GALNT13: variants seen among roughly 807,000 people sequenced by gnomAD.
GALNT13 encodes polypeptide N-acetylgalactosaminyltransferase 13.
A neutral mutation model predicts 64.2 loss-of-function variants in GALNT13; 28 were observed. The observed-to-expected ratio is 0.44, with a 90% CI of 0.32 to 0.60. The LOEUF (loss-of-function observed/expected upper bound fraction) is 0.60, where lower values mean the gene tolerates loss of function less well. Ranked by LOEUF, GALNT13 falls within the 20% of genes least tolerant of loss-of-function variation. The probability of loss-of-function intolerance (pLI) is 0.05; values close to 1 mark genes in which losing one functional copy is unlikely to be tolerated. For synonymous variants in GALNT13, 214 were observed against 224.6 expected (o/e 0.95, Z 0.42); for missense variants, 577 against 669.8 (o/e 0.86, Z 1.53).
intron 8 of GALNT13, among the ~76,000 whole-genome samples, chr2:154,267,445 G>T (rs571506692): frequency 3.9e-5 from 6 of 152,210 alleles, no homozygotes; most frequent in Admixed American, 3.3e-4. Flanking sequence ...TTTGAGAGTA[G>T]CCTGGCCAAC....
In GALNT13 at chr2:154,438,628, G is replaced by T; in HGVS notation, c.1432G>T (p.Asp478Tyr). 1 of 1,612,146 alleles carries T rather than the reference G, an allele frequency of 6.2e-7. No individual in the cohort carries two copies. The highest frequency in any genetic ancestry group is 8.5e-7 in the Non-Finnish European group (1 of 1,178,540). Residue 478 changes from aspartate to tyrosine, a missense_variant, in exon 12 of 13, where the codon GAT (aspartate) becomes TAT (tyrosine). Coordinates refer to ENST00000392825, the MANE Select transcript of GALNT13 (RefSeq NM_052917.4). ...SYTADKEIRT[D>Y]DLCLDVSRLN... ...CACTGCTGACAAAGAAATCCGAACC[G>T]ATGACTTGTGCTTGGATGTTTCTAG...
chr2:153,184,889 A>C, the GALNT13 span, among the ~76,000 whole-genome samples: 1 of 152,182 alleles, frequency 6.6e-6, no homozygotes. Context: ...GGATTTTTGC[A>C]TTGATGTTCA....
the GALNT13 span, among the ~76,000 whole-genome samples, chr2:153,580,944 A>AT: frequency 6.6e-6 from 1 of 152,182 alleles, no homozygotes; most frequent in South Asian, 2.1e-4. Context: ...ATTCCTATTC[A>AT]TTTTTCAAGA....
At chr2:154,287,574 G>T in intron 8 of GALNT13, 2 of 234,544 alleles carry the variant, frequency 8.5e-6, no homozygotes, top group East Asian at 1.0e-4. Flanking sequence ...TGTTCTACTT[G>T]GCTGTTGAAA....
chr2:154,004,345 A>G (rs192677383), intron 3 of GALNT13, among the ~76,000 whole-genome samples: 62 of 152,166 alleles, frequency 4.1e-4, no homozygotes, highest in Non-Finnish European at 2.1e-4. Context: ...AGCTGGGACT[A>G]CAGGCATGCA....
chr2:153,072,194 A>G, the GALNT13 span, among the ~76,000 whole-genome samples: 4 of 152,236 alleles, frequency 2.6e-5, no homozygotes, highest in African/African-American at 7.2e-5. Context: ...CCTCATTTTT[A>G]TCACTGCTAA....
At chr2:154,041,005 C>G (rs1057323951) in intron 3 of GALNT13, among the ~76,000 whole-genome samples, 2 of 139,278 alleles carry the variant, frequency 1.4e-5, no homozygotes, top group African/African-American at 4.9e-5. Context: ...AACACATATA[C>G]AAAGTTTAGT....
At chr2:154,057,292 G>C (rs1329345703) in intron 3 of GALNT13, among the ~76,000 whole-genome samples, 1 of 152,106 alleles carries the variant, frequency 6.6e-6, no homozygotes, top group African/African-American at 2.4e-5. Context: ...GCCCCCCAAA[G>C]TGGTGGGCTT....
At chr2:153,300,249 C>T in the GALNT13 span, among the ~76,000 whole-genome samples, 1 of 152,224 alleles carries the variant, frequency 6.6e-6, no homozygotes, top group Non-Finnish European at 1.5e-5. Context: ...CCACTTTCTT[C>T]TCTCTAGAAT....
At chr2:154,200,313 G>A (rs1325928637) in intron 4 of GALNT13, among the ~76,000 whole-genome samples, 1 of 151,800 alleles carries the variant, frequency 6.6e-6, no homozygotes, top group African/African-American at 2.4e-5. Flanking sequence ...CTATGGAGAT[G>A]GGGTGGTGAT....
At chr2:153,952,665 T>C (rs1692278767) in intron 3 of GALNT13, among the ~76,000 whole-genome samples, 1 of 152,108 alleles carries the variant, frequency 6.6e-6, no homozygotes, top group Admixed American at 6.6e-5. Context: ...TAGATGTATA[T>C]ATAAAGGGGA....
rs59526662 is a variant in GALNT13 at position 154,139,621 on chromosome 2, AACAC to A, written c.143-687_143-684del. Among the ~76,000 whole-genome samples the A allele has an allele frequency of 4.6e-3, 679 of 147,506 alleles. 4 individuals are homozygous for A. Among genetic ancestry groups the A allele is most frequent in the African/African-American group, 0.015 (584 of 40,140 alleles). ...AGCATGCATACAGGTATGTGTAGGC[AACAC>A]ACACACACACACACACACACACACA... On this transcript the variant is annotated intron_variant, in intron 3 of 12. Transcript: ENST00000392825.
chr2:154,271,278 A>G (rs748723950), intron 8 of GALNT13, among the ~76,000 whole-genome samples: 1 of 152,020 alleles, frequency 6.6e-6, no homozygotes, highest in Non-Finnish European at 1.5e-5. Context: ...TGTGCAACGC[A>G]TAGAATAATT....
chr2:154,027,304 T>C (rs1209519101), intron 3 of GALNT13, among the ~76,000 whole-genome samples: 1 of 152,166 alleles, frequency 6.6e-6, no homozygotes, highest in African/African-American at 2.4e-5. Flanking sequence ...TAGTGAACAA[T>C]GTCAGTAACG....
At chr2:153,428,215 A>C in the GALNT13 span, among the ~76,000 whole-genome samples, 1 of 152,112 alleles carries the variant, frequency 6.6e-6, no homozygotes, top group Non-Finnish European at 1.5e-5. Context: ...GCTGAGGTTT[A>C]TTTGGCTCAC....
At chr2:153,288,501 G>T in the GALNT13 span, among the ~76,000 whole-genome samples, 1 of 152,150 alleles carries the variant, frequency 6.6e-6, no homozygotes, top group Non-Finnish European at 1.5e-5. Context: ...ATTCCGTCCT[G>T]TCTGGGACAT....
At chr2:154,409,199 A>G (rs2105392994) in intron 11 of GALNT13, 117 bp downstream of exon 11, 1 of 736,012 alleles carries the variant, frequency 1.4e-6, no homozygotes, top group Admixed American at 2.1e-5. Context: ...AAATAAATGT[A>G]CACTCAAATC....
At chr2:154,111,178 T>C (rs1235798637) in intron 3 of GALNT13, among the ~76,000 whole-genome samples, 1 of 152,210 alleles carries the variant, frequency 6.6e-6, no homozygotes, top group Admixed American at 6.5e-5. Flanking sequence ...CTGTATTCTA[T>C]TTGCCTTCAG....
chr2:154,329,265 C>T (rs922248253), intron 9 of GALNT13, among the ~76,000 whole-genome samples: 1 of 152,088 alleles, frequency 6.6e-6, no homozygotes, highest in Non-Finnish European at 1.5e-5. Context: ...GCCACAATGC[C>T]AGGCTAATTT....
Sources: gnomAD v4.1 joint callset for allele counts (sites outside exome capture counted in the v4.1 genomes callset) on GRCh38, gnomAD v4.1.1 for gene constraint, MANE v1.5 for transcripts, NCBI Gene and HGNC (gene_info 2026-07-23, HGNC 2026-07-21) for gene names.